The following NRXN1 variants were observed in gnomAD, a reference collection of about 807,000 sequenced individuals.
NRXN1 encodes the protein neurexin 1.
In NRXN1, 39 loss-of-function variants were observed where a neutral mutation model predicts 150.9. The observed-to-expected ratio is 0.26, with a 90% CI of 0.20 to 0.34. NRXN1 has a LOEUF of 0.34. Ranked by LOEUF, NRXN1 falls within the 10% of genes least tolerant of loss-of-function variation. The probability of loss-of-function intolerance (pLI) is 1.00; values close to 1 mark genes in which losing one functional copy is unlikely to be tolerated. For synonymous variants in NRXN1, 924 were observed against 757.0 expected (o/e 1.22, Z -3.62); for missense variants, 1,815 against 1,949.9 (o/e 0.93, Z 1.30).
chr2:50,577,365 T>TAA (rs542129227), intron 8 of NRXN1, among the ~76,000 whole-genome samples: 1 of 144,242 alleles, frequency 6.9e-6, no homozygotes, highest in Non-Finnish European at 1.5e-5. Flanking sequence ...ACTAGTTGTC[T>TAA]AAAAAAAAAA....
chr2:50,084,198 G>A (rs1008290349), intron 19 of NRXN1, among the ~76,000 whole-genome samples: 2 of 152,186 alleles, frequency 1.3e-5, no homozygotes, highest in Admixed American at 1.3e-4. Context: ...CACACGGGGC[G>A]GCAGATGGAG....
chr2:50,230,440 G>A (rs58676939), intron 18 of NRXN1, among the ~76,000 whole-genome samples: 4,143 of 151,892 alleles, frequency 0.027, 184 homozygotes, highest in African/African-American at 0.095. Flanking sequence ...TAATTGCAGC[G>A]GCATCAATGT....
intron 8 of NRXN1, among the ~76,000 whole-genome samples, chr2:50,608,695 T>G (rs1381028557): frequency 6.6e-6 from 1 of 152,150 alleles, no homozygotes; most frequent in Non-Finnish European, 1.5e-5. Flanking sequence ...CCTGGATACC[T>G]TGGGGAAGAA....
intron 18 of NRXN1, among the ~76,000 whole-genome samples, chr2:50,113,739 G>T (rs1279219574): frequency 2.0e-5 from 3 of 152,126 alleles, no homozygotes; most frequent in Admixed American, 2.0e-4. Context: ...ACCTTAAAAG[G>T]CTGTGAGTGA....
At chr2:50,484,948 A>G (rs1314996533) in intron 15 of NRXN1, among the ~76,000 whole-genome samples, 1 of 152,226 alleles carries the variant, frequency 6.6e-6, no homozygotes, top group Non-Finnish European at 1.5e-5. Context: ...CACTGTAGAC[A>G]TTCAGAAGTA....
At chr2:50,424,055 G>T (rs1252150048) in intron 17 of NRXN1, among the ~76,000 whole-genome samples, 1 of 151,028 alleles carries the variant, frequency 6.6e-6, no homozygotes, top group Non-Finnish European at 1.5e-5. Flanking sequence ...ATTGAAATGG[G>T]CCACAGTGGG....
At chr2:50,582,920 A>C (rs1367652976) in intron 8 of NRXN1, among the ~76,000 whole-genome samples, 1 of 152,128 alleles carries the variant, frequency 6.6e-6, no homozygotes, top group Non-Finnish European at 1.5e-5. Flanking sequence ...GTCTAATCAC[A>C]GTACACTTGG....
intron 18 of NRXN1, among the ~76,000 whole-genome samples, chr2:50,105,003 G>T (rs1701445300): frequency 1.3e-5 from 2 of 151,982 alleles, no homozygotes; most frequent in Admixed American, 1.3e-4. Context: ...AAGCAAGGAG[G>T]TACTTTTCTG....
intron 17 of NRXN1, among the ~76,000 whole-genome samples, chr2:50,411,267 A>G (rs1026344199): frequency 6.6e-6 from 1 of 152,238 alleles, no homozygotes; most frequent in South Asian, 2.1e-4. Context: ...ATGGCGAGTG[A>G]TCTGCCAGCC....
intron 18 of NRXN1, among the ~76,000 whole-genome samples, chr2:50,187,351 T>A (rs976669013): frequency 1.3e-5 from 2 of 152,054 alleles, no homozygotes; most frequent in African/African-American, 2.4e-5. Flanking sequence ...TTAAAACAAA[T>A]TTTCCCATTT....
chr2:50,219,061 A>C (rs1214197860), intron 18 of NRXN1, among the ~76,000 whole-genome samples: 2 of 151,956 alleles, frequency 1.3e-5, no homozygotes, highest in Non-Finnish European at 2.9e-5. Flanking sequence ...CCTTTGAGTG[A>C]ATAGTTATCG....
At chr2:50,199,567 C>A (rs943572122) in intron 18 of NRXN1, among the ~76,000 whole-genome samples, 2 of 145,798 alleles carry the variant, frequency 1.4e-5, no homozygotes, top group Non-Finnish European at 3.0e-5. Flanking sequence ...CACACACACA[C>A]ATGCACACTG....
rs1320084143 is a variant in NRXN1 at position 50,544,948 on chromosome 2, GTT to G, written c.1760-6314_1760-6313del. 2.6e-5 allele frequency among the ~76,000 whole-genome samples: 4 copies of G among 152,214 alleles called. 1 individual carries two copies. The highest frequency in any genetic ancestry group is 9.6e-5 in the African/African-American group (4 of 41,558). On this transcript the variant is annotated intron_variant, in intron 9 of 22. Transcript: ENST00000401669. Reference sequence around the variant, plus strand: ...ATGGCACAGAAAAAGCTATCTTTAAGTTTTTTTGTTACACAGTAATTGGTAAA... The same window carrying G: ...ATGGCACAGAAAAAGCTATCTTTAAGTTTTTGTTACACAGTAATTGGTAAA...
chr2:50,570,204 C>T (rs1475858720), intron 8 of NRXN1, among the ~76,000 whole-genome samples: 1 of 151,556 alleles, frequency 6.6e-6, no homozygotes, highest in Non-Finnish European at 1.5e-5. Flanking sequence ...CTCTTGAGAA[C>T]ATGTTATTCT....
chr2:50,082,807 G>A (rs936962223), intron 19 of NRXN1, among the ~76,000 whole-genome samples: 2 of 151,548 alleles, frequency 1.3e-5, no homozygotes, highest in African/African-American at 2.4e-5. Context: ...ACTTAAGTGA[G>A]AGACAAAAAA....
At chr2:50,146,620 T>G (rs950850317) in intron 18 of NRXN1, among the ~76,000 whole-genome samples, 1 of 151,728 alleles carries the variant, frequency 6.6e-6, no homozygotes. Flanking sequence ...AATGAGGCTT[T>G]CAATTAAAGC....
intron 2 of NRXN1, among the ~76,000 whole-genome samples, chr2:50,967,010 C>T (rs1390951500): frequency 6.6e-6 from 1 of 151,868 alleles, no homozygotes; most frequent in African/African-American, 2.4e-5. Flanking sequence ...ATCAAACTGT[C>T]AATAACCAGG....
intron 18 of NRXN1, among the ~76,000 whole-genome samples, chr2:50,227,765 T>C (rs2064541722): frequency 1.3e-5 from 2 of 151,956 alleles, no homozygotes. Context: ...AAGGCAATAA[T>C]AGTGGAATAA....
intron 5 of NRXN1, among the ~76,000 whole-genome samples, chr2:50,825,299 T>C (rs1040202010): frequency 1.3e-5 from 2 of 152,198 alleles, no homozygotes; most frequent in Non-Finnish European, 2.9e-5. Context: ...AAGAATATCA[T>C]TTGTATGCTA....
Sources: gnomAD v4.1 joint callset for allele counts (sites outside exome capture counted in the v4.1 genomes callset) on GRCh38, gnomAD v4.1.1 for gene constraint, MANE v1.5 for transcripts, NCBI Gene and HGNC (gene_info 2026-07-23, HGNC 2026-07-21) for gene names.